Variants in PPL observed in about 807,000 individuals in gnomAD.
The protein encoded by PPL is periplakin, also known as 190 kDa paraneoplastic pemphigus antigen.
PPL carries 198 observed loss-of-function variants against 194.4 expected under a neutral mutation model. The observed-to-expected ratio is 1.02, with a 90% CI of 0.91 to 1.15. The LOEUF is 1.15. Ranked by LOEUF, PPL falls within the 50% of genes most tolerant of loss-of-function variation. The pLI is 0.00. For missense variants in PPL, 2,885 were observed against 2,294.8 expected (o/e 1.26, Z -5.25); for synonymous variants, 1,220 against 972.4 (o/e 1.25, Z -4.74).
Position 4,903,851 on chromosome 16 carries a change from T to A in PPL, c.317+35A>T, listed in dbSNP as rs376250527. On this transcript the variant is annotated intron_variant, in intron 3 of 21. Transcript: ENST00000345988. ...CCCCGCCCTGGCCCATAGCCCCCAATGGCTCCCCTGGGGTAAGAAGCAGAA... is the reference window on the plus strand; with the variant it reads ...CCCCGCCCTGGCCCATAGCCCCCAAAGGCTCCCCTGGGGTAAGAAGCAGAA... The A allele has an allele frequency of 5.7e-5, 91 of 1,609,586 alleles. No homozygotes were observed. In the African/African-American group the frequency reaches 1.2e-3, roughly 21 times the overall value.
Position 4,882,584 on chromosome 16 carries a change from AT to A in PPL, c.*799del, listed in dbSNP as rs2088117378. 1.3e-5 allele frequency: 2 copies of A among 152,110 alleles called. No homozygotes were observed. The allele number at this position is 152,110 out of a possible 1,614,324, so 9.4% of individuals were successfully genotyped here. The stretch of plus-strand genomic sequence containing the variant: ...TTTCCCTATTAGTTCCCATTTTCTT[AT>A]GTTCTACATGAGATACAGAGACCCA... On this transcript the variant is annotated 3_prime_UTR_variant, in exon 22 of 22. Transcript: ENST00000345988.
chr16:4,902,289 A>C lies in PPL; in HGVS notation c.438+117T>G, dbSNP rs1251888044. The C allele has an allele frequency of 2.0e-5, 29 of 1,486,604 alleles. No homozygotes were observed. The highest frequency in any genetic ancestry group is 2.6e-5 in the Non-Finnish European group (29 of 1,104,432). The allele number at this position is 1,486,604 out of a possible 1,614,324, so 92.1% of individuals were successfully genotyped here. The stretch of plus-strand genomic sequence containing the variant: ...GGCACACTGGAAAACCATCAGGACC[A>C]CGACTGTCTCCCTGGTAAGACCCGG... On this transcript the variant is annotated intron_variant, in intron 4 of 21. Coordinates refer to ENST00000345988, the MANE Select transcript of PPL (RefSeq NM_002705.5). This position sits in a 1 kb window ranked among gnomAD's most constrained non-coding sequence, Gnocchi z 4.0.
At chr16:4,890,034 A>G in intron 18 of PPL, 150 bp downstream of exon 18, 1 of 1,105,078 alleles carries the variant, frequency 9.0e-7, no homozygotes, top group Non-Finnish European at 1.3e-6. Flanking sequence ...GGGTGTTGGG[A>G]GCTTGAGCTG....
At position 4,904,685 on chromosome 16, in the gene PPL, G is replaced by T. The variant is rs112858683; in HGVS notation, c.163-645C>A. 7.2e-5 allele frequency among the ~76,000 whole-genome samples: 11 copies of T among 152,308 alleles called. 1 individual carries two copies. Among genetic ancestry groups the T allele is most frequent in the African/African-American group, 2.6e-4 (11 of 41,566 alleles). On this transcript the variant is annotated intron_variant, in intron 2 of 21. Transcript: ENST00000345988. ...GGATAGGGAGGAAACAGGGCAGGCG[G>T]GGGGCGGGGAGGGTGAGCAGCTAGA...
intron 14 of PPL, among the ~76,000 whole-genome samples, chr16:4,892,550 C>T (rs893716348): frequency 3.9e-5 from 6 of 152,176 alleles, no homozygotes; most frequent in Non-Finnish European, 2.9e-5. Flanking sequence ...CACCCAGTCA[C>T]GGGTGGGGGT....
chr16:4,883,706 C>T lies in PPL; in HGVS notation c.4949G>A (p.Arg1650Gln), dbSNP rs147332048. 6.2e-6 allele frequency: 10 copies of T among 1,613,840 alleles called. No homozygotes were observed. The highest frequency in any genetic ancestry group is 4.0e-5 in the African/African-American group (3 of 74,908). Reference sequence around the variant, plus strand: ...GATGGAGCGCCGCAGGTGGTTCTCCCGCTGCTCCCGCTTGACGGCCACGGA... The same window carrying T: ...GATGGAGCGCCGCAGGTGGTTCTCCTGCTGCTCCCGCTTGACGGCCACGGA... ...LGSVAVKREQ[R>Q]ENHLRRSIVV... The change falls in exon 22 of 22, where the codon CGG becomes CAG. Residue 1650 changes from arginine to glutamine, a missense_variant. Coordinates refer to ENST00000345988, the MANE Select transcript of PPL (RefSeq NM_002705.5). The surrounding 1 kb of genome is among the most constrained non-coding windows in gnomAD (Gnocchi z 4.8).
rs533695940 is a variant in PPL, at chr16:4,884,784, C to A, written c.3871G>T (p.Val1291Leu). The A allele has an allele frequency of 6.2e-7, 1 of 1,614,154 alleles. No individual in the cohort carries two copies. The highest frequency in any genetic ancestry group is 8.5e-7 in the Non-Finnish European group (1 of 1,180,034). Residue 1291 changes from valine (V) to leucine (L), a missense_variant, in exon 22 of 22, where the codon GTG becomes TTG. Physicochemically the swap from Val to Leu is conservative, Grantham distance 32. Coordinates refer to ENST00000345988, the MANE Select transcript of PPL (RefSeq NM_002705.5). This position sits in a 1 kb window ranked among gnomAD's most constrained non-coding sequence, Gnocchi z 5.7. Reference protein sequence around the residue: ...DTKPQVQTKEVVQEILQFQED... With the variant: ...DTKPQVQTKELVQEILQFQED... ...TGGAATTGGAGGATCTCCTGGACCA[C>A]CTCTTTGGTCTGGACCTGGGGTTTG...
chr16:4,890,683 G>C, intron 17 of PPL, 45 bp downstream of exon 17: 1 of 1,549,390 alleles, frequency 6.5e-7, no homozygotes, highest in Non-Finnish European at 8.7e-7. Context: ...GAATTAGATC[G>C]CATTCTCAGA....
At position 4,894,602 on chromosome 16, in the gene PPL, C is replaced by A. The variant is rs748666836; in HGVS notation, c.1259G>T (p.Gly420Val). 1.2e-5 allele frequency: 20 copies of A among 1,613,250 alleles called. No homozygotes were observed. In the South Asian group the frequency reaches 2.2e-4, roughly 18 times the overall value. Reference protein sequence around the residue: ...FEGEQGLISRGYSYTLQKNNG... With the variant: ...FEGEQGLISRVYSYTLQKNNG... ...GTTCTTCTGCAGGGTGTAGCTGTAG[C>A]CCCGCGAGATCAGGCCCTGGCGGGG... Residue 420 changes from glycine to valine, a missense_variant, in exon 12 of 22, where the codon GGC (glycine) becomes GTC (valine). Coordinates refer to ENST00000345988, the MANE Select transcript of PPL (RefSeq NM_002705.5).
chr16:4,933,251 C>T (rs1333679962), intron 1 of PPL, among the ~76,000 whole-genome samples: 1 of 152,074 alleles, frequency 6.6e-6, no homozygotes, highest in Non-Finnish European at 1.5e-5. Context: ...TTTGCCAGCT[C>T]TCCCCTCAAA....
At chr16:4,891,505 C>A in intron 16 of PPL, 5 of 221,106 alleles carry the variant, frequency 2.3e-5, no homozygotes, top group Non-Finnish European at 3.4e-5. Context: ...TGGACTTAAA[C>A]TCCAAGGCTC....
Position 4,885,929 on chromosome 16 carries a change from A to C in PPL, c.2726T>G (p.Leu909Arg), listed in dbSNP as rs2088211412. 1 of 1,612,766 alleles carries C rather than the reference A, an allele frequency of 6.2e-7. No individual in the cohort carries two copies. Among genetic ancestry groups the C allele is most frequent in the Non-Finnish European group, 8.5e-7 (1 of 1,180,024 alleles). ...LDEETERRRQLENEVKSTQEE... is the reference protein window; with the variant it reads ...LDEETERRRQRENEVKSTQEE... ...CTGGGTGCTCTTGACCTCGTTCTCC[A>C]GCTGCCGCCTCCGCTCAGTCTCCTC... Residue 909 changes from leucine to arginine, a missense_variant, in exon 22 of 22, where the codon CTG becomes CGG. Physicochemically the swap from Leu to Arg is moderately radical, Grantham distance 102. Coordinates refer to ENST00000345988, the MANE Select transcript of PPL (RefSeq NM_002705.5). This position sits in a 1 kb window ranked among gnomAD's most constrained non-coding sequence, Gnocchi z 6.3.
In PPL at chr16:4,901,105, G is replaced by A. The variant is rs1253043615; in HGVS notation, c.439-16C>T. On this transcript the variant is annotated splice_polypyrimidine_tract_variant and intron_variant, in intron 4 of 21. Transcript: ENST00000345988. ...TCAGCTTGTCCTGGCCAGGAGGGCA[G>A]AGAAGCAATAAGGAGAGGGTGGGCT... The A allele has an allele frequency of 3.1e-6, 5 of 1,613,748 alleles. No homozygotes were observed. Among genetic ancestry groups the A allele is most frequent in the East Asian group, 2.2e-5 (1 of 44,888 alleles).
chr16:4,936,910 C>A, intron 1 of PPL, 74 bp downstream of exon 1: 2 of 1,438,140 alleles, frequency 1.4e-6, no homozygotes, highest in African/African-American at 1.5e-5. Flanking sequence ...CTACACTGCC[C>A]GGGAGGTCTT....
intron 1 of PPL, among the ~76,000 whole-genome samples, chr16:4,935,271 G>A (rs1037705246): frequency 2.0e-5 from 3 of 152,172 alleles, no homozygotes; most frequent in African/African-American, 4.8e-5. Context: ...GTCCAAGCTG[G>A]GGCCTTCAGG....
chr16:4,898,121 T>C (rs1403400055), intron 8 of PPL, among the ~76,000 whole-genome samples: 1 of 152,196 alleles, frequency 6.6e-6, no homozygotes, highest in Non-Finnish European at 1.5e-5. Context: ...CTCACACCTG[T>C]AATCGCAGCA....
Position 4,885,413 on chromosome 16 carries a change from T to G in PPL, c.3242A>C (p.Asp1081Ala), listed in dbSNP as rs1567985898. Residue 1081 changes from aspartate to alanine, a missense_variant, in exon 22 of 22, where the codon GAC becomes GCC. Coordinates refer to ENST00000345988, the MANE Select transcript of PPL (RefSeq NM_002705.5). The surrounding 1 kb of genome is among the most constrained non-coding windows in gnomAD (Gnocchi z 6.3). ...QQLQEDHQRQ[D>A]QLREKQEEEL... ...CTCCTCCTGCTTCTCCCTGAGCTGG[T>G]CCTGGCGCTGGTGGTCCTCCTGCAG... is the stretch of plus-strand genomic sequence containing the variant. 1 of 1,612,852 alleles carries G rather than the reference T, an allele frequency of 6.2e-7. No homozygotes were observed. Among genetic ancestry groups the G allele is most frequent in the Non-Finnish European group, 8.5e-7 (1 of 1,179,990 alleles).
chr16:4,930,812 C>A (rs146698105), intron 1 of PPL, among the ~76,000 whole-genome samples: 7 of 152,156 alleles, frequency 4.6e-5, no homozygotes, highest in Non-Finnish European at 1.5e-5. Context: ...GCCTTGTGGC[C>A]GGGCACAGCG....
chr16:4,884,478 G>A lies in PPL; in HGVS notation c.4177C>T (p.Gln1393Ter), dbSNP rs2088173792. 4 of 1,602,578 alleles carry A rather than the reference G, an allele frequency of 2.5e-6. No individual in the cohort carries two copies. Among genetic ancestry groups the A allele is most frequent in the Admixed American group, 3.5e-5 (2 of 57,012 alleles). ...CGCTCAAGCTCGGTGCGCCGGCGCT[G>A]CAGCCGCCGCAGCTCTGCCCGCAGC... The part of the protein sequence containing the change: ...DKLRAELRRL[Q>*]RRRTELERQL... The change falls in exon 22 of 22, where the codon CAG becomes TAG. Residue 1393 changes from glutamine to a stop codon, truncating the protein, a stop_gained. Transcript: ENST00000345988. LOFTEE classifies it high-confidence loss of function. This position sits in a 1 kb window ranked among gnomAD's most constrained non-coding sequence, Gnocchi z 5.7.
Sources: allele counts gnomAD v4.1 joint callset (sites outside exome capture counted in the v4.1 genomes callset), GRCh38; gene constraint gnomAD v4.1.1; non-coding constraint Gnocchi (gnomAD v3.1); transcripts MANE v1.5; gene names NCBI Gene and HGNC (gene_info 2026-07-23, HGNC 2026-07-21).